Variants in CYTH1 observed in about 807,000 individuals in gnomAD.
The protein encoded by CYTH1 is cytohesin-1.
A neutral mutation model predicts 61.8 loss-of-function variants in CYTH1; 18 were observed. That is an observed-to-expected ratio of 0.29 (90% confidence interval 0.20 to 0.43). The LOEUF is 0.43. CYTH1 is among the 20% of genes least tolerant of loss of function. CYTH1 has a pLI of 1.00. For synonymous variants in CYTH1, 174 were observed against 184.3 expected (o/e 0.94, Z 0.45); for missense variants, 336 against 510.5 (o/e 0.66, Z 3.29).
intron 1 of CYTH1, among the ~76,000 whole-genome samples, chr17:78,771,253 C>A (rs2144754127): frequency 6.6e-6 from 1 of 151,970 alleles, no homozygotes; most frequent in Middle Eastern, 3.4e-3. Flanking sequence ...TAGAGCAAGA[C>A]CCTGTCTGAA....
rs377021909 is a variant in CYTH1 at position 78,750,651 on chromosome 17, C to T, written c.22+31551G>A. ...TGAAACCCCATCTCTATGAAAAATA[C>T]AAAAATTAGATGGGTGAGGTGGTGG... On this transcript the variant is annotated intron_variant, in intron 1 of 13. Coordinates refer to ENST00000446868, the MANE Select transcript of CYTH1 (RefSeq NM_004762.6). Among the ~76,000 whole-genome samples, 12 of 151,938 alleles carry T rather than the reference C, an allele frequency of 7.9e-5. 4 individuals are homozygous for T. Among genetic ancestry groups the T allele is most frequent in the Admixed American group, 6.6e-5 (1 of 15,244 alleles).
rs1218129115 is a variant in CYTH1 at position 78,782,203 on chromosome 17, G to A, written c.21C>T (p.Tyr7=). 7.3e-6 allele frequency: 10 copies of A among 1,369,168 alleles called. No homozygotes were observed. The East Asian group carries it at 2.1e-4, about 28-fold the overall frequency. The allele number at this position is 1,369,168 out of a possible 1,614,324, so 84.8% of individuals were successfully genotyped here. ...CGTCCGCCGCCGGGGCGCACTGACC[G>A]TAGCTGTCGTCCTCCTCCATGGTGC... is the stretch of plus-strand genomic sequence containing the variant. MEEDDS[Y]VPSDLTAEER... is the part of the protein sequence containing the mutation. Residue 7 remains tyrosine, a splice_region_variant and synonymous_variant, in exon 1 of 14, where the codon TAC becomes TAT. Coordinates refer to ENST00000446868, the MANE Select transcript of CYTH1 (RefSeq NM_004762.6).
At chr17:78,712,208 A>G (rs897698088) in intron 1 of CYTH1, among the ~76,000 whole-genome samples, 4 of 151,948 alleles carry the variant, frequency 2.6e-5, no homozygotes, top group African/African-American at 9.7e-5. Context: ...AGAGAGAGAA[A>G]GAGAAAGAAA....
At chr17:78,677,143 T>C (rs1342948446) in intron 13 of CYTH1, 9 of 451,254 alleles carry the variant, frequency 2.0e-5, no homozygotes, top group Admixed American at 1.2e-4. Flanking sequence ...CATGTCCCGA[T>C]GGGATCTCAC....
intron 13 of CYTH1, chr17:78,676,852 C>T (rs1403400388): frequency 5.1e-6 from 2 of 390,878 alleles, no homozygotes; most frequent in African/African-American, 2.1e-5. Flanking sequence ...CACCACAACC[C>T]TATGTCTGCC....
intron 1 of CYTH1, among the ~76,000 whole-genome samples, chr17:78,749,225 G>A (rs1304655472): frequency 6.6e-6 from 1 of 152,098 alleles, no homozygotes; most frequent in East Asian, 1.9e-4. Flanking sequence ...TTTGGGAGGC[G>A]AAGGCAGGCA....
intron 13 of CYTH1, chr17:78,677,344 G>A: frequency 3.9e-6 from 1 of 253,488 alleles, no homozygotes; most frequent in South Asian, 3.7e-5. Flanking sequence ...CAGAGTGTCA[G>A]GCGATGAGGG....
chr17:78,763,560 G>C (rs2093436957), intron 1 of CYTH1, among the ~76,000 whole-genome samples: 1 of 151,976 alleles, frequency 6.6e-6, no homozygotes, highest in South Asian at 2.1e-4. Flanking sequence ...AATTTATAAA[G>C]TAGGCAGAGA....
intron 1 of CYTH1, among the ~76,000 whole-genome samples, chr17:78,720,419 T>C (rs1435983345): frequency 1.3e-5 from 2 of 152,092 alleles, no homozygotes; most frequent in South Asian, 4.1e-4. Context: ...CCTGGGTTCA[T>C]GCAATTCTCC....
chr17:78,766,182 C>G (rs1292072573), intron 1 of CYTH1, among the ~76,000 whole-genome samples: 1 of 151,200 alleles, frequency 6.6e-6, no homozygotes, highest in Non-Finnish European at 1.5e-5. Flanking sequence ...GGGAGCTGCT[C>G]TGTAACTCCC....
intron 1 of CYTH1, among the ~76,000 whole-genome samples, chr17:78,750,103 C>T (rs1046119693): frequency 1.5e-4 from 23 of 152,136 alleles, no homozygotes; most frequent in African/African-American, 2.2e-4. Flanking sequence ...GCATCAGCTA[C>T]GGGAAGCTCA....
chr17:78,741,243 T>G (rs2144637848), intron 1 of CYTH1, among the ~76,000 whole-genome samples: 1 of 152,230 alleles, frequency 6.6e-6, no homozygotes, highest in African/African-American at 2.4e-5. Context: ...TCTAAAATGT[T>G]TCAAAACTAG....
chr17:78,695,224 T>G (rs1482397226), intron 10 of CYTH1, among the ~76,000 whole-genome samples: 1 of 152,068 alleles, frequency 6.6e-6, no homozygotes, highest in Non-Finnish European at 1.5e-5. Context: ...ACCAAAACCA[T>G]AACCAGGAGA....
intron 1 of CYTH1, among the ~76,000 whole-genome samples, chr17:78,721,898 T>C (rs2093232184): frequency 6.6e-6 from 1 of 152,054 alleles, no homozygotes; most frequent in South Asian, 2.1e-4. Context: ...ATATACAAAA[T>C]TAGCCAGGCA....
intron 1 of CYTH1, among the ~76,000 whole-genome samples, chr17:78,763,572 T>G (rs1055601692): frequency 7.2e-5 from 11 of 152,068 alleles, no homozygotes; most frequent in Non-Finnish European, 1.3e-4. Context: ...AGGCAGAGAT[T>G]AATAATAAAC....
chr17:78,717,597 A>G lies in CYTH1; in HGVS notation c.23-7865T>C, dbSNP rs1024250713. Reference sequence around the variant, plus strand: ...AAGGAGGACTGTCTTAAAGGGACAGAGCCCTCTTTCCAAGCCAGAGGACGA... The same window carrying G: ...AAGGAGGACTGTCTTAAAGGGACAGGGCCCTCTTTCCAAGCCAGAGGACGA... On this transcript the variant is annotated intron_variant, in intron 1 of 13. Transcript: ENST00000446868. This position sits in a 1 kb window ranked among gnomAD's most constrained non-coding sequence, Gnocchi z 4.4. Among the ~76,000 whole-genome samples, 3 of 152,138 alleles carry G rather than the reference A, an allele frequency of 2.0e-5. No individual in the cohort carries two copies. Among genetic ancestry groups the G allele is most frequent in the Non-Finnish European group, 2.9e-5 (2 of 68,030 alleles).
intron 1 of CYTH1, among the ~76,000 whole-genome samples, chr17:78,776,811 C>T (rs2093493209): frequency 6.6e-6 from 1 of 150,710 alleles, no homozygotes; most frequent in Admixed American, 6.6e-5. Context: ...GTGCCATAAA[C>T]AGTTTTTTTT....
At chr17:78,759,247 G>A (rs1401310093) in intron 1 of CYTH1, among the ~76,000 whole-genome samples, 1 of 152,204 alleles carries the variant, frequency 6.6e-6, no homozygotes, top group Admixed American at 6.5e-5. Flanking sequence ...CCCGAGGAAG[G>A]ACTAAAAGGT....
chr17:78,699,383 T>C (rs1237930749), intron 7 of CYTH1, among the ~76,000 whole-genome samples: 2 of 148,700 alleles, frequency 1.3e-5, no homozygotes, highest in African/African-American at 4.9e-5. Context: ...AAAAAAAACA[T>C]GTTCTCAAAA....
Sources: allele counts gnomAD v4.1 joint callset (sites outside exome capture counted in the v4.1 genomes callset), GRCh38; gene constraint gnomAD v4.1.1; non-coding constraint Gnocchi (gnomAD v3.1); transcripts MANE v1.5; gene names NCBI Gene and HGNC (gene_info 2026-07-23, HGNC 2026-07-21).